Variants in SND1 observed in about 807,000 individuals in gnomAD.
SND1 encodes the protein staphylococcal nuclease domain-containing protein 1.
Under a neutral mutation model 121.7 loss-of-function variants are expected in SND1, and 38 were observed. The observed-to-expected ratio is 0.31, with a 90% CI of 0.24 to 0.41. SND1 has a LOEUF of 0.41. Among genes scored for constraint, SND1 ranks in the 10% least tolerant of loss-of-function variants. SND1 has a pLI of 1.00. For missense variants in SND1, 868 were observed against 1,184.6 expected (o/e 0.73, Z 3.92); for synonymous variants, 401 against 447.4 (o/e 0.90, Z 1.31).
At chr7:127,658,378 G>T (rs1795247990) in intron 1 of SND1, among the ~76,000 whole-genome samples, 1 of 152,096 alleles carries the variant, frequency 6.6e-6, no homozygotes, top group African/African-American at 2.4e-5. Context: ...TTTCTAATAG[G>T]ATTAAGACTA....
chr7:127,911,963 T>C (rs758820464), intron 14 of SND1, among the ~76,000 whole-genome samples: 58 of 151,984 alleles, frequency 3.8e-4, no homozygotes, highest in Non-Finnish European at 7.1e-4. Context: ...TTGTACATGG[T>C]TTGTTTCTCT....
chr7:127,815,542 G>A (rs114620970), intron 11 of SND1, among the ~76,000 whole-genome samples: 180 of 152,202 alleles, frequency 1.2e-3, no homozygotes, highest in African/African-American at 4.0e-3. Context: ...GGAGGAGGAC[G>A]AGGAGGAGTA....
At chr7:128,007,065 G>A (rs1228004606) in intron 16 of SND1, among the ~76,000 whole-genome samples, 1 of 152,204 alleles carries the variant, frequency 6.6e-6, no homozygotes, top group Non-Finnish European at 1.5e-5. Context: ...AGGTAGCTCT[G>A]CAGTATGCGG....
At chr7:128,000,746 G>A (rs1433108626) in intron 16 of SND1, among the ~76,000 whole-genome samples, 1 of 152,168 alleles carries the variant, frequency 6.6e-6, no homozygotes, top group African/African-American at 2.4e-5. Flanking sequence ...AACATTGCAA[G>A]CCATGCCCAT....
intron 15 of SND1, among the ~76,000 whole-genome samples, chr7:127,959,146 C>T (rs1049529801): frequency 1.3e-5 from 2 of 152,110 alleles, no homozygotes; most frequent in Non-Finnish European, 1.5e-5. Flanking sequence ...GTGATTCCCT[C>T]CCAAGCTTTC....
At chr7:128,086,127 C>G (rs1340219663) in intron 20 of SND1, among the ~76,000 whole-genome samples, 1 of 152,250 alleles carries the variant, frequency 6.6e-6, no homozygotes, top group African/African-American at 2.4e-5. Flanking sequence ...TCAAGCCAAA[C>G]TGGGTGTTTG....
At chr7:127,896,088 C>CT (rs1800113266) in intron 13 of SND1, among the ~76,000 whole-genome samples, 1 of 152,078 alleles carries the variant, frequency 6.6e-6, no homozygotes, top group Non-Finnish European at 1.5e-5. Context: ...AATCATTAGT[C>CT]TACACTGGTT....
chr7:127,783,593 G>T (rs535399246), intron 10 of SND1, among the ~76,000 whole-genome samples: 1 of 152,216 alleles, frequency 6.6e-6, no homozygotes, highest in Non-Finnish European at 1.5e-5. Flanking sequence ...CCATGTTAAA[G>T]TGAGTGGTTA....
At chr7:127,918,122 G>A (rs542231001) in intron 14 of SND1, among the ~76,000 whole-genome samples, 23 of 150,930 alleles carry the variant, frequency 1.5e-4, no homozygotes, top group Middle Eastern at 3.5e-3. Flanking sequence ...GAGTGCAGTG[G>A]CGCAATCCCA....
chr7:127,731,213 A>G (rs1219561109), intron 10 of SND1, among the ~76,000 whole-genome samples: 2 of 152,128 alleles, frequency 1.3e-5, no homozygotes, highest in African/African-American at 4.8e-5. Flanking sequence ...CCTCTACTTC[A>G]TACCGCAGCT....
intron 12 of SND1, among the ~76,000 whole-genome samples, chr7:127,852,182 T>A (rs199593127): frequency 8.3e-5 from 6 of 71,914 alleles, no homozygotes; most frequent in South Asian, 4.2e-4. Context: ...ATAAAATAAA[T>A]AAAATAAAAT....
At chr7:128,024,368 CAT>C (rs1803427980) in intron 16 of SND1, among the ~76,000 whole-genome samples, 2 of 152,166 alleles carry the variant, frequency 1.3e-5, no homozygotes, top group African/African-American at 2.4e-5. Flanking sequence ...TAAAATCAGA[CAT>C]ATGTTTGGAT....
intron 2 of SND1, among the ~76,000 whole-genome samples, chr7:127,690,717 G>A (rs998292064): frequency 3.9e-5 from 6 of 152,168 alleles, no homozygotes; most frequent in South Asian, 2.1e-4. Context: ...GAACCTGAGC[G>A]TCTCCATTTT....
intron 1 of SND1, among the ~76,000 whole-genome samples, chr7:127,656,358 T>G (rs1403197124): frequency 6.6e-6 from 1 of 151,456 alleles, no homozygotes; most frequent in African/African-American, 2.4e-5. Context: ...AGTCTCGCTT[T>G]GTCGCCCAGG....
At chr7:127,753,963 C>G (rs1797148994) in intron 10 of SND1, among the ~76,000 whole-genome samples, 1 of 152,188 alleles carries the variant, frequency 6.6e-6, no homozygotes, top group Admixed American at 6.5e-5. Context: ...TTAGCTTTCA[C>G]TAAAGTCCCC....
intron 16 of SND1, chr7:128,030,028 T>C: frequency 6.2e-7 from 1 of 1,613,190 alleles, no homozygotes; most frequent in Non-Finnish European, 8.5e-7. Flanking sequence ...ATGTTGCACA[T>C]GCCCAAGTTC....
chr7:127,998,155 A>G, intron 16 of SND1: 1 of 356,752 alleles, frequency 2.8e-6, no homozygotes, highest in Non-Finnish European at 5.7e-6. Flanking sequence ...AATTCTAGAG[A>G]ATGGGAAGAA....
At chr7:127,922,196 T>TTG (rs1800730387) in intron 14 of SND1, among the ~76,000 whole-genome samples, 2 of 134,770 alleles carry the variant, frequency 1.5e-5, no homozygotes, top group Admixed American at 7.6e-5. Flanking sequence ...TTTTTTTTTT[T>TTG]TTTTTTTGTT....
chr7:127,815,795 A>G (rs922042258), intron 11 of SND1, among the ~76,000 whole-genome samples: 11 of 152,116 alleles, frequency 7.2e-5, no homozygotes, highest in African/African-American at 2.7e-4. Flanking sequence ...TAGGAAAGCA[A>G]TTTAGCTTGT....
Sources: gnomAD v4.1 joint callset for allele counts (sites outside exome capture counted in the v4.1 genomes callset) on GRCh38, gnomAD v4.1.1 for gene constraint, MANE v1.5 for transcripts, NCBI Gene and HGNC (gene_info 2026-07-23, HGNC 2026-07-21) for gene names.